RTL4: variants seen among roughly 807,000 people sequenced by gnomAD.
RTL4 encodes retrotransposon Gag like 4.
In RTL4, 4 loss-of-function variants were observed where a neutral mutation model predicts 5.3. The ratio of observed to expected loss-of-function variants is 0.75; its 90% CI spans 0.37 to 1.72. The LOEUF is 1.72. Among genes scored for constraint, RTL4 ranks in the 40% most tolerant of loss-of-function variants. The pLI is 0.04. For missense variants in RTL4, 260 were observed against 227.1 expected (o/e 1.14, Z -0.93); for synonymous variants, 98 against 87.3 (o/e 1.12, Z -0.68).
the RTL4 span, among the ~76,000 whole-genome samples, chrX:112,179,702 C>T: frequency 1.8e-5 from 2 of 112,286 alleles, no homozygotes; most frequent in African/African-American, 6.5e-5. Context: ...GTGAACAAAA[C>T]AAACAAACTT....
the RTL4 span, among the ~76,000 whole-genome samples, chrX:112,388,176 A>G: frequency 8.9e-6 from 1 of 111,906 alleles, no homozygotes; most frequent in Non-Finnish European, 1.9e-5. Flanking sequence ...TTTTGTGGCA[A>G]TTATGAACAG....
the RTL4 span, among the ~76,000 whole-genome samples, chrX:112,229,591 C>A: frequency 1.8e-5 from 2 of 111,898 alleles, no homozygotes; most frequent in Admixed American, 9.5e-5. Context: ...CCCTGGGCCA[C>A]ATTGGAAGAA....
chrX:112,239,233 T>A, the RTL4 span, among the ~76,000 whole-genome samples: 23 of 111,426 alleles, frequency 2.1e-4, no homozygotes, highest in African/African-American at 7.5e-4. Context: ...TCCTCCTACC[T>A]GGCAGGGGCA....
At chrX:112,333,362 G>C in the RTL4 span, among the ~76,000 whole-genome samples, 1 of 110,812 alleles carries the variant, frequency 9.0e-6, no homozygotes, top group Admixed American at 9.7e-5. Context: ...AAATTGCTAA[G>C]AGCCTATTAG....
chrX:112,260,032 G>A, the RTL4 span, among the ~76,000 whole-genome samples: 1 of 111,584 alleles, frequency 9.0e-6, no homozygotes, highest in East Asian at 2.8e-4. Flanking sequence ...TGAGCATTTG[G>A]TCCTGACGAG....
At chrX:112,389,076 A>T in the RTL4 span, among the ~76,000 whole-genome samples, 7 of 109,828 alleles carry the variant, frequency 6.4e-5, no homozygotes, top group Admixed American at 2.9e-4. Flanking sequence ...TGGTTGGTAA[A>T]TTATTTATTA....
the RTL4 span, among the ~76,000 whole-genome samples, chrX:112,096,095 C>T: frequency 8.9e-6 from 1 of 112,038 alleles, no homozygotes; most frequent in African/African-American, 3.2e-5. Flanking sequence ...AATTTTGGCT[C>T]CATCCACCCT....
At chrX:112,083,702 C>A in the RTL4 span, among the ~76,000 whole-genome samples, 1 of 111,353 alleles carries the variant, frequency 9.0e-6, no homozygotes, top group Non-Finnish European at 1.9e-5. Flanking sequence ...ACACTTGGGC[C>A]ACTCTTTGAT....
chrX:112,213,310 G>A, the RTL4 span, among the ~76,000 whole-genome samples: 1 of 112,798 alleles, frequency 8.9e-6, no homozygotes, highest in Non-Finnish European at 1.9e-5. Context: ...TACTTCACAG[G>A]ATTATGGGGA....
upstream of RTL4, among the ~76,000 whole-genome samples, chrX:112,453,668 T>C (rs765966018): frequency 8.9e-6 from 1 of 112,124 alleles, no homozygotes; most frequent in South Asian, 3.7e-4. Context: ...CAGTGATTAT[T>C]CCAATTCAAA....
chrX:112,360,547 ATT>A, the RTL4 span, among the ~76,000 whole-genome samples: 3 of 105,805 alleles, frequency 2.8e-5, no homozygotes, highest in African/African-American at 1.0e-4. Flanking sequence ...TAGCGTTTAA[ATT>A]TTTTTTTTTT....
chrX:112,206,563 G>C, the RTL4 span, among the ~76,000 whole-genome samples: 1 of 111,085 alleles, frequency 9.0e-6, no homozygotes, highest in African/African-American at 3.3e-5. Context: ...CTGCTCCTTT[G>C]TTATCTCCCC....
At chrX:112,225,479 C>A in the RTL4 span, among the ~76,000 whole-genome samples, 1 of 111,666 alleles carries the variant, frequency 9.0e-6, no homozygotes, top group African/African-American at 3.3e-5. Flanking sequence ...AAAAAGAAAA[C>A]CTGGTGAGAA....
At chrX:112,185,653 A>G in the RTL4 span, among the ~76,000 whole-genome samples, 1 of 106,625 alleles carries the variant, frequency 9.4e-6, no homozygotes, top group Non-Finnish European at 1.9e-5. Flanking sequence ...ACACACGCAC[A>G]CACACACACT....
At chrX:112,098,753 G>A in the RTL4 span, among the ~76,000 whole-genome samples, 1 of 111,786 alleles carries the variant, frequency 8.9e-6, no homozygotes, top group Non-Finnish European at 1.9e-5. Flanking sequence ...CTGCATAAAT[G>A]TCTTCTTTTG....
the RTL4 span, among the ~76,000 whole-genome samples, chrX:112,330,421 A>T: frequency 4.2e-4 from 45 of 108,317 alleles, no homozygotes; most frequent in African/African-American, 1.5e-3. Flanking sequence ...TTCAAAGAGA[A>T]TAAAACACCT....
At chrX:112,138,062 T>C in the RTL4 span, among the ~76,000 whole-genome samples, 1 of 112,269 alleles carries the variant, frequency 8.9e-6, no homozygotes, top group African/African-American at 3.2e-5. Flanking sequence ...TATTCAGCCT[T>C]AAAAAAGAAG....
At chrX:112,083,548 C>A in the RTL4 span, among the ~76,000 whole-genome samples, 38 of 111,642 alleles carry the variant, frequency 3.4e-4, no homozygotes, top group African/African-American at 1.1e-3. Flanking sequence ...ATTCTCCCAT[C>A]CGTGCCCCTC....
At chrX:112,381,658 G>A in the RTL4 span, 11 of 1,208,130 alleles carry the variant, frequency 9.1e-6, no homozygotes, top group African/African-American at 1.7e-4. Flanking sequence ...TTAAAGCAGC[G>A]CTCTTGCAAA....
Sources: allele counts gnomAD v4.1 joint callset (sites outside exome capture counted in the v4.1 genomes callset), GRCh38; gene constraint gnomAD v4.1.1; transcripts MANE v1.5; gene names NCBI Gene and HGNC (gene_info 2026-07-23, HGNC 2026-07-21).